Variants in OPHN1 observed in about 807,000 individuals in gnomAD.
The protein encoded by OPHN1 is oligophrenin 1.
In OPHN1, 11 loss-of-function variants were observed where a neutral mutation model predicts 60.7. That is an observed-to-expected ratio of 0.18 (90% CI 0.11 to 0.30). The LOEUF (loss-of-function observed/expected upper bound fraction) is 0.30. OPHN1 is among the 10% of genes least tolerant of loss of function. The pLI, the probability that OPHN1 is intolerant of heterozygous loss-of-function variation, is 1.00. For missense variants in OPHN1, 449 were observed against 611.0 expected, an observed-to-expected ratio of 0.73 and a Z score of 2.80; for synonymous variants, 226 against 222.6, an observed-to-expected ratio of 1.02 and a Z score of -0.14.
At chrX:68,131,405 G>A (rs1456401811) in intron 15 of OPHN1, among the ~76,000 whole-genome samples, 3 of 109,400 alleles carry the variant, frequency 2.7e-5, no homozygotes, top group African/African-American at 6.7e-5. Flanking sequence ...TAGTGGAGAC[G>A]GGGTTTCACC....
intron 2 of OPHN1, among the ~76,000 whole-genome samples, chrX:68,401,420 CA>C (rs2078713936): frequency 8.9e-6 from 1 of 112,099 alleles, no homozygotes; most frequent in South Asian, 3.7e-4. Flanking sequence ...AAACTCTACT[CA>C]ATTCCACAAA....
At chrX:68,307,086 T>A (rs986852968) in intron 2 of OPHN1, among the ~76,000 whole-genome samples, 32 of 111,081 alleles carry the variant, frequency 2.9e-4, no homozygotes, top group Admixed American at 6.8e-4. Flanking sequence ...GAATATTAAA[T>A]AAATGTTGCA....
intron 6 of OPHN1, among the ~76,000 whole-genome samples, chrX:68,222,120 A>T (rs1331420800): frequency 9.2e-6 from 1 of 108,952 alleles, no homozygotes; most frequent in Non-Finnish European, 1.9e-5. Flanking sequence ...TGGGCGAAGG[A>T]CATGAACAGA....
chrX:68,111,631 A>G (rs1828451924), intron 18 of OPHN1, among the ~76,000 whole-genome samples: 1 of 111,660 alleles, frequency 9.0e-6, no homozygotes, highest in African/African-American at 3.2e-5. Context: ...ACCCCACTCT[A>G]CCTTGCTGCT....
At chrX:68,416,061 T>TAGAG (rs1325941322) in intron 2 of OPHN1, among the ~76,000 whole-genome samples, 3 of 6,306 alleles carry the variant, frequency 4.8e-4, no homozygotes, top group Admixed American at 2.1e-3. Context: ...TATATATATA[T>TAGAG]ATATATAGAG....
chrX:68,301,036 C>T (rs1158372014), intron 2 of OPHN1, among the ~76,000 whole-genome samples: 1 of 111,756 alleles, frequency 8.9e-6, no homozygotes, highest in Non-Finnish European at 1.9e-5. Flanking sequence ...TTATGAGGAG[C>T]TTTCCACAAA....
At chrX:68,272,568 C>T (rs754239276) in intron 5 of OPHN1, among the ~76,000 whole-genome samples, 1 of 112,285 alleles carries the variant, frequency 8.9e-6, no homozygotes, top group South Asian at 3.7e-4. Context: ...TGGGTTATAA[C>T]TGCCTATATT....
intron 4 of OPHN1, among the ~76,000 whole-genome samples, chrX:68,277,163 G>T (rs2077995619): frequency 8.9e-6 from 1 of 112,210 alleles, no homozygotes; most frequent in East Asian, 2.8e-4. Flanking sequence ...GTAGGGGGAG[G>T]TGGAGATGGT....
chrX:68,289,620 C>T (rs1182910627), intron 3 of OPHN1, among the ~76,000 whole-genome samples: 4 of 112,154 alleles, frequency 3.6e-5, no homozygotes, highest in Non-Finnish European at 7.5e-5. Flanking sequence ...GAGGCCAAGG[C>T]AGGAGGATTG....
chrX:68,071,298 A>T, intron 20 of OPHN1: 1 of 757,968 alleles, frequency 1.3e-6, no homozygotes. Flanking sequence ...TGACATGCAC[A>T]TTCCCTAGCT....
intron 23 of OPHN1, among the ~76,000 whole-genome samples, chrX:68,051,866 C>T (rs991213283): frequency 9.0e-6 from 1 of 111,414 alleles, no homozygotes; most frequent in Non-Finnish European, 1.9e-5. Context: ...AAAGAGACAA[C>T]AGATACAAAG....
At chrX:68,181,750 C>T (rs1404574085) in intron 15 of OPHN1, among the ~76,000 whole-genome samples, 1 of 111,797 alleles carries the variant, frequency 8.9e-6, no homozygotes, top group Non-Finnish European at 1.9e-5. Context: ...ATTGCTTGAA[C>T]CTGGGAGGCA....
At chrX:68,338,907 T>G (rs2147687845) in intron 2 of OPHN1, among the ~76,000 whole-genome samples, 1 of 107,390 alleles carries the variant, frequency 9.3e-6, no homozygotes, top group South Asian at 4.2e-4. Flanking sequence ...AAACCCCATC[T>G]CTACTAATAG....
At position 68,280,179 on chromosome X, in the gene OPHN1, T is replaced by A. The variant is rs115262410; in HGVS notation, c.312+2877A>T. ...ACATTTAAAAGCAAATATTTTAAAC[T>A]AAGAAAATTCCCAAATCATATTTCC... On this transcript the variant is annotated intron_variant, in intron 4 of 24. Transcript: ENST00000355520. 3.6e-3 allele frequency among the ~76,000 whole-genome samples: 398 copies of A among 111,717 alleles called. 1 individual carries two copies. Among genetic ancestry groups the A allele is most frequent in the African/African-American group, 0.012 (380 of 30,749 alleles).
intron 15 of OPHN1, among the ~76,000 whole-genome samples, chrX:68,138,943 A>G (rs2077231596): frequency 8.9e-6 from 1 of 112,286 alleles, no homozygotes; most frequent in African/African-American, 3.2e-5. Context: ...ACCTGGCTTA[A>G]TCTGTAAAAT....
At chrX:68,410,655 T>A (rs2078764836) in intron 2 of OPHN1, among the ~76,000 whole-genome samples, 1 of 110,529 alleles carries the variant, frequency 9.0e-6, no homozygotes, top group Non-Finnish European at 1.9e-5. Context: ...TTACTAAACA[T>A]CTCAGGGGCC....
intron 2 of OPHN1, among the ~76,000 whole-genome samples, chrX:68,299,650 C>G (rs5964659): frequency 0.1 from 11,427 of 111,243 alleles, 1,376 homozygotes; most frequent in African/African-American, 0.35. Flanking sequence ...AAGACGAAGA[C>G]TCCTTAACTT....
At chrX:68,138,974 A>G (rs1046812293) in intron 15 of OPHN1, among the ~76,000 whole-genome samples, 1 of 112,390 alleles carries the variant, frequency 8.9e-6, no homozygotes, top group Non-Finnish European at 1.9e-5. Flanking sequence ...TACCACCTCT[A>G]AAGTATTTTT....
intron 2 of OPHN1, among the ~76,000 whole-genome samples, chrX:68,407,235 C>A (rs1339886982): frequency 1.8e-5 from 2 of 112,025 alleles, no homozygotes; most frequent in Non-Finnish European, 3.8e-5. Context: ...TACATACATA[C>A]ATAAAATAAA....
Sources: gnomAD v4.1 joint callset for allele counts (sites outside exome capture counted in the v4.1 genomes callset) on GRCh38, gnomAD v4.1.1 for gene constraint, MANE v1.5 for transcripts, NCBI Gene and HGNC (gene_info 2026-07-23, HGNC 2026-07-21) for gene names.